SEL1L3: variants seen among roughly 807,000 people sequenced by gnomAD.
The protein encoded by SEL1L3 is SEL1L family member 3.
In SEL1L3, 76 loss-of-function variants were observed where a neutral mutation model predicts 142.8. That is an observed-to-expected ratio of 0.53 (90% CI 0.44 to 0.64). The LOEUF (loss-of-function observed/expected upper bound fraction) is 0.64. Among genes scored for constraint, SEL1L3 ranks in the 30% least tolerant of loss-of-function variants. SEL1L3 has a pLI of 0.00. For missense variants in SEL1L3, 1,262 were observed against 1,381.7 expected, an observed-to-expected ratio of 0.91 and a Z score of 1.37; for synonymous variants, 504 against 519.6, an observed-to-expected ratio of 0.97 and a Z score of 0.41.
chr4:25,737,111 AGTAGTTGGGACTACAG>A, the SEL1L3 span, among the ~76,000 whole-genome samples: 1 of 151,976 alleles, frequency 6.6e-6, no homozygotes, highest in Non-Finnish European at 1.5e-5. Context: ...CAGCCTCCCA[AGTAGTTGGGACTACAG>A]GCACACGCCA....
intron 9 of SEL1L3, among the ~76,000 whole-genome samples, chr4:25,806,656 C>A (rs142800515): frequency 4.7e-4 from 71 of 152,206 alleles, no homozygotes; most frequent in African/African-American, 1.6e-3. Flanking sequence ...ATGCAGCCAC[C>A]ACCTCCACCA....
In SEL1L3 at chr4:25,748,846, A is replaced by G. The variant is rs28587677; in HGVS notation, c.3260-282T>C. 1.3e-3 allele frequency among the ~76,000 whole-genome samples: 205 copies of G among 152,338 alleles called. 2 individuals are homozygous for G. The highest frequency in any genetic ancestry group is 4.5e-3 in the African/African-American group (186 of 41,576). On this transcript the variant is annotated intron_variant, in intron 23 of 23. Coordinates refer to ENST00000399878, the MANE Select transcript of SEL1L3 (RefSeq NM_015187.5). The stretch of plus-strand genomic sequence containing the variant: ...TAGGAAGTTTAAGAATGGGTCCCCA[A>G]ACTTCTGGCTTTTCTGGATATATGC...
chr4:25,761,547 T>C (rs1363741005), intron 20 of SEL1L3, among the ~76,000 whole-genome samples: 1 of 152,192 alleles, frequency 6.6e-6, no homozygotes, highest in Admixed American at 6.5e-5. Context: ...TCGTATGCAA[T>C]GTAATAGCTT....
At chr4:25,726,458 G>T in the SEL1L3 span, among the ~76,000 whole-genome samples, 1 of 150,346 alleles carries the variant, frequency 6.7e-6, no homozygotes, top group Non-Finnish European at 1.5e-5. Flanking sequence ...AACCTGGGAA[G>T]TGGAGGTTGC....
intron 2 of SEL1L3, among the ~76,000 whole-genome samples, chr4:25,844,036 C>T (rs948798274): frequency 1.3e-5 from 2 of 152,204 alleles, no homozygotes; most frequent in African/African-American, 2.4e-5. Context: ...GCAGGGCCAT[C>T]GTAGGACACC....
chr4:25,716,089 C>T, the SEL1L3 span, among the ~76,000 whole-genome samples: 104 of 151,722 alleles, frequency 6.9e-4, no homozygotes, highest in Non-Finnish European at 1.1e-3. Context: ...TAAAAGGTAT[C>T]ATAAGAGGTT....
In SEL1L3 at chr4:25,757,748, G is replaced by C. The variant is rs1246622998; in HGVS notation, c.3126C>G (p.Ser1042=). 6.3e-7 allele frequency: 1 copy of C among 1,596,810 alleles called. No individual in the cohort carries two copies. The highest frequency in any genetic ancestry group is 1.7e-5 in the Admixed American group (1 of 57,684). Residue 1042 remains serine (S), a synonymous_variant, in exon 22 of 24, where the codon TCC becomes TCG. Transcript: ENST00000399878. ...HSNEESFSPC[S]LAWLYLHLRL... is the part of the protein sequence containing the mutation. ...GCAAGTGCAGGTAAAGCCAGGCCAA[G>C]GAGCAGGGGCTGAAGGACTCCTCGT... is the stretch of plus-strand genomic sequence containing the variant.
chr4:25,748,951 T>A (rs1717416775), intron 23 of SEL1L3, among the ~76,000 whole-genome samples: 1 of 152,000 alleles, frequency 6.6e-6, no homozygotes, highest in Admixed American at 6.6e-5. Context: ...AGGAGAGTGA[T>A]GGGGAGGGGC....
intron 4 of SEL1L3, 48 bp downstream of exon 4, chr4:25,833,400 G>A: frequency 6.4e-7 from 1 of 1,554,588 alleles, no homozygotes; most frequent in East Asian, 2.2e-5. Context: ...ACTAGGCAGA[G>A]CATTACAAAA....
the SEL1L3 span, among the ~76,000 whole-genome samples, chr4:25,733,754 C>G: frequency 6.6e-6 from 1 of 151,976 alleles, no homozygotes; most frequent in Non-Finnish European, 1.5e-5. Flanking sequence ...CCCATGATTT[C>G]CCTCCCACCT....
chr4:25,756,480 C>T, intron 23 of SEL1L3: 6 of 984,700 alleles, frequency 6.1e-6, no homozygotes, highest in Non-Finnish European at 7.2e-6. Flanking sequence ...ATCTTACGTG[C>T]ATTTTTTTTC....
chr4:25,855,178 A>C (rs1325226763), intron 1 of SEL1L3, among the ~76,000 whole-genome samples: 1 of 152,244 alleles, frequency 6.6e-6, no homozygotes, highest in Non-Finnish European at 1.5e-5. Flanking sequence ...ATATTGATTA[A>C]GCTGAAGCTG....
chr4:25,714,426 T>C, the SEL1L3 span, among the ~76,000 whole-genome samples: 5 of 152,192 alleles, frequency 3.3e-5, no homozygotes, highest in African/African-American at 9.6e-5. Context: ...AAAAGGATTA[T>C]TCAATAAATG....
At chr4:25,835,444 A>C in intron 2 of SEL1L3, 121 bp from the exon 3 acceptor site, 2 of 1,029,250 alleles carry the variant, frequency 1.9e-6, no homozygotes, top group Non-Finnish European at 2.8e-6. Flanking sequence ...ATACCCTAAA[A>C]ATATTAGCAA....
intron 11 of SEL1L3, among the ~76,000 whole-genome samples, chr4:25,795,946 C>T (rs1471080): frequency 1.3e-5 from 2 of 151,420 alleles, no homozygotes; most frequent in East Asian, 3.9e-4. Flanking sequence ...AATCACTGGG[C>T]GGGTGTGTGG....
At chr4:25,845,889 T>TCTGTCC (rs1716471720) in intron 2 of SEL1L3, among the ~76,000 whole-genome samples, 1 of 152,116 alleles carries the variant, frequency 6.6e-6, no homozygotes, top group African/African-American at 2.4e-5. Context: ...TCCAACCAGC[T>TCTGTCC]CTGTCCCTGG....
At chr4:25,732,600 A>G in the SEL1L3 span, among the ~76,000 whole-genome samples, 1 of 152,088 alleles carries the variant, frequency 6.6e-6, no homozygotes, top group African/African-American at 2.4e-5. Flanking sequence ...CCTACTTTCA[A>G]TGTACTTTTT....
In SEL1L3 at chr4:25,802,287, TCTC is replaced by T. The variant is rs1388159201; in HGVS notation, c.1949_1951del (p.Gly650del). The T allele has an allele frequency of 3.1e-6, 5 of 1,611,570 alleles. No homozygotes were observed. The highest frequency in any genetic ancestry group is 4.2e-6 in the Non-Finnish European group (5 of 1,178,824). ...AACCTTTTTTCTCTCTCATACCTGA[TCTC>T]CTTGCAGTGTGTGCTGGTCAAGGGG... On this transcript the variant is annotated inframe_deletion, in exon 11 of 24. Coordinates refer to ENST00000399878, the MANE Select transcript of SEL1L3 (RefSeq NM_015187.5).
chr4:25,830,029 G>A, intron 6 of SEL1L3, 69 bp downstream of exon 6: 5 of 958,296 alleles, frequency 5.2e-6, no homozygotes, highest in Non-Finnish European at 8.4e-6. Flanking sequence ...TAGGGCTGAG[G>A]GCTAAAGTAT....
Sources: allele counts gnomAD v4.1 joint callset (sites outside exome capture counted in the v4.1 genomes callset), GRCh38; gene constraint gnomAD v4.1.1; transcripts MANE v1.5; gene names NCBI Gene and HGNC (gene_info 2026-07-23, HGNC 2026-07-21).